Variants in MTA3 observed in about 807,000 individuals in gnomAD.
MTA3 encodes the protein metastasis associated 1 family member 3.
MTA3 carries 34 observed loss-of-function variants against 83.5 expected under a neutral mutation model. That is an observed-to-expected ratio of 0.41 (90% CI 0.31 to 0.54). MTA3 has a LOEUF of 0.54. Among genes scored for constraint, MTA3 ranks in the 20% least tolerant of loss-of-function variants. The pLI is 0.33. For missense variants in MTA3, 761 were observed against 726.4 expected (o/e 1.05, Z -0.55); for synonymous variants, 303 against 252.7 (o/e 1.20, Z -1.89).
intron 3 of MTA3, among the ~76,000 whole-genome samples, chr2:42,596,857 A>G (rs144040040): frequency 1.3e-5 from 2 of 152,138 alleles, no homozygotes; most frequent in African/African-American, 4.8e-5. Context: ...GACTTACAGA[A>G]TGAAAATCAT....
At chr2:42,628,047 G>C (rs1686292856) in intron 4 of MTA3, among the ~76,000 whole-genome samples, 1 of 151,386 alleles carries the variant, frequency 6.6e-6, no homozygotes, top group South Asian at 2.1e-4. Flanking sequence ...ACCACGCCCA[G>C]CTAATTTTTG....
At chr2:42,625,007 A>C (rs1685936550) in intron 4 of MTA3, among the ~76,000 whole-genome samples, 1 of 152,122 alleles carries the variant, frequency 6.6e-6, no homozygotes, top group Admixed American at 6.5e-5. Flanking sequence ...ACACCATTGT[A>C]ATTTGAAGAT....
chr2:42,749,874 T>C (rs1464273352), intron 16 of MTA3, among the ~76,000 whole-genome samples: 1 of 152,208 alleles, frequency 6.6e-6, no homozygotes, highest in Non-Finnish European at 1.5e-5. Context: ...TCAGTCCTTC[T>C]ATGTGCTTCC....
intron 8 of MTA3, among the ~76,000 whole-genome samples, chr2:42,662,464 T>C (rs777744865): frequency 1.3e-5 from 2 of 151,742 alleles, no homozygotes; most frequent in Non-Finnish European, 2.9e-5. Flanking sequence ...TTTTCTCATA[T>C]ATTAAATTAA....
At chr2:42,633,509 G>A (rs753332789) in intron 4 of MTA3, among the ~76,000 whole-genome samples, 11 of 152,136 alleles carry the variant, frequency 7.2e-5, no homozygotes, top group Non-Finnish European at 1.6e-4. Context: ...AGCCTAGGAG[G>A]TGGAGGCTGC....
intron 16 of MTA3, among the ~76,000 whole-genome samples, chr2:42,726,417 C>G (rs1389340984): frequency 6.6e-6 from 1 of 151,478 alleles, no homozygotes; most frequent in Non-Finnish European, 1.5e-5. Flanking sequence ...AGGTTAGTTA[C>G]ATATGTATAC....
chr2:42,620,871 T>C (rs1448292662), intron 4 of MTA3, among the ~76,000 whole-genome samples: 1 of 152,210 alleles, frequency 6.6e-6, no homozygotes, highest in Non-Finnish European at 1.5e-5. Context: ...CCATTTTTAC[T>C]TCAAGATAAT....
intron 3 of MTA3, among the ~76,000 whole-genome samples, chr2:42,592,769 CCTT>C (rs1439158323): frequency 6.6e-6 from 1 of 152,140 alleles, no homozygotes; most frequent in Non-Finnish European, 1.5e-5. Context: ...GATAACAATT[CCTT>C]CTTTTGGAAT....
chr2:42,548,846 A>AATATATATATATATAAT (rs377534429), intron 2 of MTA3, among the ~76,000 whole-genome samples: 20 of 15,060 alleles, frequency 1.3e-3, no homozygotes, highest in Non-Finnish European at 1.9e-3. Context: ...ATATATATAT[A>AATATATATATATATAAT]ATATATATAT....
chr2:42,624,468 C>T (rs369440298), intron 4 of MTA3, among the ~76,000 whole-genome samples: 8 of 152,058 alleles, frequency 5.3e-5, no homozygotes, highest in African/African-American at 1.2e-4. Flanking sequence ...TTACAGGTGC[C>T]TGCCACCACA....
At chr2:42,711,887 T>C (rs981879158) in intron 14 of MTA3, among the ~76,000 whole-genome samples, 3 of 152,074 alleles carry the variant, frequency 2.0e-5, no homozygotes, top group Non-Finnish European at 4.4e-5. Context: ...AAGTTAAGAA[T>C]CGCTGTGATG....
At chr2:42,738,332 T>C (rs145055162) in intron 16 of MTA3, among the ~76,000 whole-genome samples, 55 of 152,294 alleles carry the variant, frequency 3.6e-4, no homozygotes, top group African/African-American at 1.2e-3. Flanking sequence ...TTTATGGGCA[T>C]TTATTAGTTC....
intron 7 of MTA3, among the ~76,000 whole-genome samples, chr2:42,657,898 C>T (rs1573504490): frequency 6.6e-6 from 1 of 151,350 alleles, no homozygotes; most frequent in Non-Finnish European, 1.5e-5. Flanking sequence ...GGTGAAACCC[C>T]GTCTCTACAA....
intron 2 of MTA3, among the ~76,000 whole-genome samples, chr2:42,551,042 TCTGA>T (rs1233871261): frequency 6.4e-5 from 9 of 140,782 alleles, no homozygotes; most frequent in African/African-American, 2.2e-4. Flanking sequence ...AGAACCAGAC[TCTGA>T]CTAAATAAAT....
At chr2:42,705,874 T>C in intron 12 of MTA3, among the ~76,000 whole-genome samples, 1 of 152,234 alleles carries the variant, frequency 6.6e-6, no homozygotes, top group East Asian at 1.9e-4. Context: ...TAAAATGTTA[T>C]CTTAATATAA....
intron 2 of MTA3, among the ~76,000 whole-genome samples, chr2:42,509,466 A>G (rs904813274): frequency 6.6e-6 from 1 of 152,158 alleles, no homozygotes; most frequent in Non-Finnish European, 1.5e-5. Context: ...GGCTCCTTGT[A>G]GAAGCTCAAT....
At chr2:42,627,793 G>C (rs1686262667) in intron 4 of MTA3, among the ~76,000 whole-genome samples, 1 of 145,920 alleles carries the variant, frequency 6.9e-6, no homozygotes, top group Non-Finnish European at 1.5e-5. Flanking sequence ...GGTCAGACTG[G>C]TCTCAAACTC....
intron 3 of MTA3, among the ~76,000 whole-genome samples, chr2:42,600,401 T>A (rs532968628): frequency 5.9e-5 from 9 of 152,156 alleles, no homozygotes; most frequent in Non-Finnish European, 1.2e-4. Flanking sequence ...ATTTTGTCCA[T>A]GGTAGACTAT....
chr2:42,629,733 C>A (rs1033898183), intron 4 of MTA3, among the ~76,000 whole-genome samples: 2 of 152,002 alleles, frequency 1.3e-5, no homozygotes, highest in African/African-American at 4.8e-5. Flanking sequence ...GATCTCGTTC[C>A]TCTGTGGGGG....
Sources: allele counts gnomAD v4.1 joint callset (sites outside exome capture counted in the v4.1 genomes callset), GRCh38; gene constraint gnomAD v4.1.1; transcripts MANE v1.5; gene names NCBI Gene and HGNC (gene_info 2026-07-23, HGNC 2026-07-21).